The following DDX54 variants were observed in gnomAD, a reference collection of about 807,000 sequenced individuals.
DDX54 encodes ATP-dependent RNA helicase DDX54.
Under a neutral mutation model 105.5 loss-of-function variants are expected in DDX54, and 67 were observed. That is an observed-to-expected ratio of 0.64 (90% CI 0.52 to 0.78). The LOEUF is 0.78. Ranked by LOEUF, DDX54 falls within the 30% of genes least tolerant of loss-of-function variation. The pLI is 0.00. For synonymous variants in DDX54, 514 were observed against 509.9 expected, an observed-to-expected ratio of 1.01 and a Z score of -0.11; for missense variants, 1,206 against 1,230.5, an observed-to-expected ratio of 0.98 and a Z score of 0.30.
chr12:113,157,974 G>A lies in DDX54; in HGVS notation c.*903C>T, dbSNP rs552504925. 2.2e-6 allele frequency: 1 copy of A among 447,372 alleles called. No individual in the cohort carries two copies. The highest frequency in any genetic ancestry group is 4.1e-6 in the Non-Finnish European group (1 of 245,320). The allele number at this position is 447,372 out of a possible 1,614,324, so 27.7% of individuals were successfully genotyped here. On this transcript the variant is annotated 3_prime_UTR_variant, in exon 20 of 20. Coordinates refer to ENST00000306014, the MANE Select transcript of DDX54 (RefSeq NM_024072.4). ...AGGCCCTCCCTGCCAGGGTGGTTGG[G>A]GCATGAAAAAAAACTCTTTGTCAGG...
chr12:113,168,700 G>A (rs1038230581), intron 12 of DDX54, among the ~76,000 whole-genome samples: 7 of 152,128 alleles, frequency 4.6e-5, no homozygotes, highest in African/African-American at 1.7e-4. Flanking sequence ...GGAGGCCGAG[G>A]CGGGCAGATC....
intron 1 of DDX54, among the ~76,000 whole-genome samples, chr12:113,184,672 A>C (rs1474843730): frequency 6.6e-6 from 1 of 152,092 alleles, no homozygotes; most frequent in African/African-American, 2.4e-5. Flanking sequence ...CAAAAAATTT[A>C]AAAATTATCC....
chr12:113,184,999 G>A (rs769295909), intron 1 of DDX54, among the ~76,000 whole-genome samples: 2 of 152,160 alleles, frequency 1.3e-5, no homozygotes, highest in East Asian at 1.9e-4. Flanking sequence ...TCCGCCCCAC[G>A]AGCAGGAGGC....
In DDX54 at chr12:113,174,726, G is replaced by A; in HGVS notation, c.982C>T (p.Leu328Phe). ...VREDTKAAVL[L>F]HLLHNVVRPQ... ...CGCACCACGTTGTGCAGCAGGTGGA[G>A]CAGCACGGCAGCCTTGGTGTCCTCC... Residue 328 changes from leucine (L) to phenylalanine (F), a missense_variant, in exon 10 of 20, where the codon CTC (leucine) becomes TTC (phenylalanine). Leu to Phe is a conservative substitution (Grantham distance 22, BLOSUM62 0). This residue lies in a region of DDX54 where 961 missense variants were observed against 1,019.1 expected (regional missense o/e 0.94). Coordinates refer to ENST00000306014, the MANE Select transcript of DDX54 (RefSeq NM_024072.4). 1 of 1,609,584 alleles carries A rather than the reference G, an allele frequency of 6.2e-7. No individual in the cohort carries two copies. The highest frequency in any genetic ancestry group is 8.5e-7 in the Non-Finnish European group (1 of 1,176,194).
At chr12:113,179,356 C>A in intron 3 of DDX54, 25 bp from the exon 4 acceptor site, 1 of 1,607,018 alleles carries the variant, frequency 6.2e-7, no homozygotes. Context: ...GCAGGGAAGT[C>A]AAGGTCAGCT....
chr12:113,171,616 G>T (rs903183306), intron 11 of DDX54, among the ~76,000 whole-genome samples: 31 of 149,834 alleles, frequency 2.1e-4, no homozygotes, highest in Non-Finnish European at 3.4e-4. Flanking sequence ...AAAAAAAAAA[G>T]TTTTGGGGAC....
chr12:113,174,949 T>C lies in DDX54; in HGVS notation c.875-13A>G. On this transcript the variant is annotated splice_polypyrimidine_tract_variant and intron_variant, in intron 8 of 19. Coordinates refer to ENST00000306014, the MANE Select transcript of DDX54 (RefSeq NM_024072.4). ...GGCTCCGTGAGGCCTGCAGGAGACA[T>C]GGGGGAAAGTGGGGGAGTCGCAGAG... The C allele has an allele frequency of 1.9e-6, 3 of 1,612,294 alleles. No homozygotes were observed. The highest frequency in any genetic ancestry group is 2.2e-5 in the East Asian group (1 of 44,810).
At chr12:113,178,847 T>A in intron 5 of DDX54, 130 bp downstream of exon 5, 5 of 1,288,498 alleles carry the variant, frequency 3.9e-6, no homozygotes, top group Non-Finnish European at 5.4e-6. Context: ...CCGGCCTTGT[T>A]GGGTTTTTTG....
At chr12:113,181,485 T>A (rs1423302634) in intron 1 of DDX54, among the ~76,000 whole-genome samples, 2 of 151,698 alleles carry the variant, frequency 1.3e-5, no homozygotes, top group South Asian at 2.1e-4. Flanking sequence ...TTTATTTTTT[T>A]TTTTTTGTAG....
chr12:113,162,465 C>T (rs1300000445), intron 17 of DDX54, among the ~76,000 whole-genome samples: 1 of 152,222 alleles, frequency 6.6e-6, no homozygotes, highest in African/African-American at 2.4e-5. Context: ...CAGGGGCCAT[C>T]ACACCTGCTG....
In DDX54 at chr12:113,174,791, C is replaced by G. The variant is rs201999520; in HGVS notation, c.937-20G>C. 1.5e-4 allele frequency: 241 copies of G among 1,614,012 alleles called. No homozygotes were observed. Among genetic ancestry groups the G allele is most frequent in the Non-Finnish European group, 4.2e-5 (49 of 1,179,984 alleles). ...GGAGGTCTGTGGGGAGAGGGCATCACGTGTTGGCTTACGGGGTCCTGGCCC... is the reference window on the plus strand; with the variant it reads ...GGAGGTCTGTGGGGAGAGGGCATCAGGTGTTGGCTTACGGGGTCCTGGCCC... On this transcript the variant is annotated intron_variant, in intron 9 of 19. Coordinates refer to ENST00000306014, the MANE Select transcript of DDX54 (RefSeq NM_024072.4).
rs749660726 is a variant in DDX54, at chr12:113,179,212, G to T, written c.495C>A (p.Thr165=). ...FERLKTHSAQ[T]GARALILSPT... is the part of the protein sequence containing the mutation. ...GCGAGAGGATGAGGGCGCGGGCCCC[G>T]GTCTGGGCACTGTGGGTCTTGAGCC... Residue 165 remains threonine (T), a synonymous_variant, in exon 4 of 20, where the codon ACC becomes ACA. Coordinates refer to ENST00000306014, the MANE Select transcript of DDX54 (RefSeq NM_024072.4). 5.0e-6 allele frequency: 8 copies of T among 1,613,992 alleles called. No individual in the cohort carries two copies. Among genetic ancestry groups the T allele is most frequent in the Non-Finnish European group, 6.8e-6 (8 of 1,180,022 alleles).
chr12:113,185,221 G>T, intron 1 of DDX54, 57 bp downstream of exon 1: 1 of 1,432,780 alleles, frequency 7.0e-7, no homozygotes. Flanking sequence ...AGGCCTCGAG[G>T]CGCTGCCCGG....
At position 113,171,926 on chromosome 12, in the gene DDX54, C is replaced by T. The variant is rs145324537; in HGVS notation, c.1279+427G>A. Among the ~76,000 whole-genome samples the T allele has an allele frequency of 5.8e-3, 887 of 152,294 alleles. 7 individuals carry two copies. The highest frequency in any genetic ancestry group is 0.02 in the African/African-American group (822 of 41,548). Reference sequence around the variant, plus strand: ...AACCCACTAAACATCGCAGCTCAGCCAGCCTGCCTTGAGCATGCTCCAAAT... The same window carrying T: ...AACCCACTAAACATCGCAGCTCAGCTAGCCTGCCTTGAGCATGCTCCAAAT... On this transcript the variant is annotated intron_variant, in intron 11 of 19. Coordinates refer to ENST00000306014, the MANE Select transcript of DDX54 (RefSeq NM_024072.4).
intron 10 of DDX54, 80 bp downstream of exon 10, chr12:113,174,560 C>T: frequency 2.6e-6 from 4 of 1,552,854 alleles, no homozygotes; most frequent in Non-Finnish European, 3.5e-6. Flanking sequence ...TCTCGTGCTG[C>T]CCTCTAGTGA....
intron 1 of DDX54, among the ~76,000 whole-genome samples, chr12:113,184,309 T>C (rs192105146): frequency 2.0e-4 from 31 of 151,988 alleles, no homozygotes; most frequent in African/African-American, 6.8e-4. Flanking sequence ...CTTGAACTCC[T>C]GACCTCAAGC....
chr12:113,164,467 A>G (rs1420911058), intron 14 of DDX54, among the ~76,000 whole-genome samples, 182 bp from the exon 15 acceptor site: 1 of 152,202 alleles, frequency 6.6e-6, no homozygotes, highest in Non-Finnish European at 1.5e-5. Context: ...TAATCCCAGC[A>G]CTTGAGGAGG....
chr12:113,161,231 GCCTA>G, intron 19 of DDX54, 35 bp downstream of exon 19: 1 of 1,537,602 alleles, frequency 6.5e-7, no homozygotes, highest in Non-Finnish European at 8.9e-7. Context: ...CAACTGCTCT[GCCTA>G]CCTGTGCACC....
rs761117277 is a variant in DDX54, at chr12:113,161,899, C to G, written c.2294G>C (p.Arg765Pro). ...SGRYISSSYK[R>P]DLYQKWKQKQ... The stretch of plus-strand genomic sequence containing the variant: ...GCCACGCCCCTCAGGATACAGGTCT[C>G]GCTTGTAGGAGCTGCTGATGTAGCG... The change falls in exon 18 of 20, where the codon CGA (arginine) becomes CCA (proline). Residue 765 changes from arginine (R) to proline (P), a missense_variant. Arg to Pro is a moderately radical substitution (Grantham distance 103). Transcript: ENST00000306014. 2.5e-6 allele frequency: 4 copies of G among 1,603,820 alleles called. No individual in the cohort carries two copies. The highest frequency in any genetic ancestry group is 2.7e-5 in the African/African-American group (2 of 74,498).
Sources: allele counts gnomAD v4.1 joint callset (sites outside exome capture counted in the v4.1 genomes callset), GRCh38; gene constraint gnomAD v4.1.1; regional missense constraint gnomAD v4.1.1; transcripts MANE v1.5; gene names NCBI Gene and HGNC (gene_info 2026-07-23, HGNC 2026-07-21).